The following PNOC variants were observed in gnomAD, a reference collection of about 807,000 sequenced individuals.
PNOC encodes nociceptin.
A neutral mutation model predicts 15.6 loss-of-function variants in PNOC; 10 were observed. That is an observed-to-expected ratio of 0.64 (90% CI 0.40 to 1.09). The LOEUF (loss-of-function observed/expected upper bound fraction) is 1.09. Among genes scored for constraint, PNOC ranks in the 50% least tolerant of loss-of-function variants. PNOC has a pLI of 0.01. For missense variants in PNOC, 220 were observed against 223.9 expected, an observed-to-expected ratio of 0.98 and a Z score of 0.11; for synonymous variants, 98 against 88.5, an observed-to-expected ratio of 1.11 and a Z score of -0.60.
chr8:28,330,235 C>G (rs574873741), intron 2 of PNOC, among the ~76,000 whole-genome samples: 4 of 152,074 alleles, frequency 2.6e-5, no homozygotes, highest in Admixed American at 2.0e-4. Context: ...CATGAGCCAC[C>G]GTGCCCCTCC....
At chr8:28,324,452 T>C (rs1226781821) in intron 1 of PNOC, among the ~76,000 whole-genome samples, 1 of 152,212 alleles carries the variant, frequency 6.6e-6, no homozygotes, top group Admixed American at 6.5e-5. Context: ...CCTTTTCTCC[T>C]CCCTTCCCTT....
Position 28,329,275 on chromosome 8 carries a change from G to A in PNOC, c.118G>A (p.Asp40Asn), listed in dbSNP as rs190892464. ...GCTCCACCCAGCCCTGGACAGCTTC[G>A]ACCTGGAGGTAGGTCTCCAAGGCAA... ...EKLHPALDSF[D>N]LEVCILECEE... The change falls in exon 2 of 4, where the codon GAC (aspartate) becomes AAC (asparagine). Residue 40 changes from aspartate (D) to asparagine (N), a missense_variant. Transcript: ENST00000301908. The A allele has an allele frequency of 2.9e-5, 46 of 1,613,364 alleles. No individual in the cohort carries two copies. The highest frequency in any genetic ancestry group is 6.7e-5 in the East Asian group (3 of 44,886).
intron 2 of PNOC, among the ~76,000 whole-genome samples, chr8:28,332,786 A>G (rs1801348742): frequency 6.6e-6 from 1 of 152,166 alleles, no homozygotes; most frequent in South Asian, 2.1e-4. Flanking sequence ...CCCTGTCTCT[A>G]CTAAAAATAC....
intron 2 of PNOC, among the ~76,000 whole-genome samples, chr8:28,329,989 C>T (rs1801295051): frequency 1.3e-5 from 2 of 152,088 alleles, no homozygotes; most frequent in Admixed American, 1.3e-4. Context: ...CTCTGTCACT[C>T]AGGCTGGAAT....
At position 28,338,392 on chromosome 8, in the gene PNOC, G is replaced by A. The variant is rs116711578; in HGVS notation, c.127-648G>A. On this transcript the variant is annotated intron_variant, in intron 2 of 3. Transcript: ENST00000301908. Reference sequence around the variant, plus strand: ...TCTGCTGGGCTCTGGTCTGATGATGGCATCTCTCCCCACACCTGGAACTGG... The same window carrying A: ...TCTGCTGGGCTCTGGTCTGATGATGACATCTCTCCCCACACCTGGAACTGG... Among the ~76,000 whole-genome samples, 989 of 152,126 alleles carry A rather than the reference G, an allele frequency of 6.5e-3. 14 individuals are homozygous for A. The highest frequency in any genetic ancestry group is 0.022 in the African/African-American group (931 of 41,496).
At chr8:28,322,282 C>G (rs1801163104) in intron 1 of PNOC, among the ~76,000 whole-genome samples, 1 of 151,970 alleles carries the variant, frequency 6.6e-6, no homozygotes, top group South Asian at 2.1e-4. Flanking sequence ...ATCCCAGCTA[C>G]TCAGGAGGCT....
At chr8:28,322,480 A>G (rs1229640578) in intron 1 of PNOC, among the ~76,000 whole-genome samples, 2 of 152,214 alleles carry the variant, frequency 1.3e-5, no homozygotes, top group Non-Finnish European at 2.9e-5. Context: ...CTACATGAAG[A>G]CAGCTGCTGG....
chr8:28,320,119 T>C (rs1801125725), intron 1 of PNOC, among the ~76,000 whole-genome samples: 1 of 124,924 alleles, frequency 8.0e-6, no homozygotes, highest in Non-Finnish European at 1.6e-5. Flanking sequence ...TTTTTTTTTT[T>C]TTCAAAATAC....
intron 2 of PNOC, chr8:28,338,651 A>C: frequency 1.0e-6 from 1 of 1,000,278 alleles, no homozygotes; most frequent in Non-Finnish European, 1.2e-6. Context: ...TGAAGAGAGA[A>C]CAAAATAAAA....
intron 2 of PNOC, among the ~76,000 whole-genome samples, chr8:28,329,857 T>C (rs955355566): frequency 3.3e-5 from 5 of 152,234 alleles, no homozygotes; most frequent in Non-Finnish European, 5.9e-5. Flanking sequence ...AAATAGCATT[T>C]ACATTATATT....
At chr8:28,339,663 T>C (rs1801482265) in intron 3 of PNOC, 172 bp downstream of exon 3, 1 of 472,030 alleles carries the variant, frequency 2.1e-6, no homozygotes, top group Non-Finnish European at 3.6e-6. Context: ...GATTTTCCTA[T>C]GATTGCACCT....
chr8:28,341,470 A>T (rs983365237), intron 3 of PNOC, among the ~76,000 whole-genome samples: 3 of 152,242 alleles, frequency 2.0e-5, no homozygotes, highest in Non-Finnish European at 2.9e-5. Context: ...TCTTAAAGAC[A>T]TTCTTCTTTA....
chr8:28,333,609 C>G (rs1801364209), intron 2 of PNOC, among the ~76,000 whole-genome samples: 2 of 152,198 alleles, frequency 1.3e-5, no homozygotes, highest in South Asian at 4.1e-4. Flanking sequence ...ATTTATCTAA[C>G]AGTGCATCAA....
At chr8:28,320,634 A>G (rs906647631) in intron 1 of PNOC, among the ~76,000 whole-genome samples, 1 of 152,038 alleles carries the variant, frequency 6.6e-6, no homozygotes, top group African/African-American at 2.4e-5. Flanking sequence ...GCAGATCACA[A>G]GGTCAGGAGA....
In PNOC at chr8:28,339,187, A is replaced by T; in HGVS notation, c.274A>T (p.Met92Leu). The T allele has an allele frequency of 6.2e-7, 1 of 1,613,526 alleles. No individual in the cohort carries two copies. Among genetic ancestry groups the T allele is most frequent in the Non-Finnish European group, 8.5e-7 (1 of 1,179,464 alleles). ...TCTCTACCAGCCGAGAGCTTCGGAGATGCAGCATCTGCGGCGAATGCCCCG... is the reference window on the plus strand; with the variant it reads ...TCTCTACCAGCCGAGAGCTTCGGAGTTGCAGCATCTGCGGCGAATGCCCCG... ...AALYQPRASE[M>L]QHLRRMPRVR... Residue 92 changes from methionine (M) to leucine (L), a missense_variant, in exon 3 of 4, where the codon ATG (methionine) becomes TTG (leucine). By Grantham distance (15) the Met-to-Leu change is conservative. Coordinates refer to ENST00000301908, the MANE Select transcript of PNOC (RefSeq NM_006228.5).
chr8:28,322,446 C>T (rs1259735209), intron 1 of PNOC, among the ~76,000 whole-genome samples: 1 of 152,122 alleles, frequency 6.6e-6, no homozygotes, highest in Non-Finnish European at 1.5e-5. Context: ...ACAGGGAGTA[C>T]AGACTTCAGG....
chr8:28,340,645 A>T (rs1303867230), intron 3 of PNOC, among the ~76,000 whole-genome samples: 1 of 152,224 alleles, frequency 6.6e-6, no homozygotes, highest in Non-Finnish European at 1.5e-5. Flanking sequence ...GGTACTTCAT[A>T]AACAAAGTTT....
intron 3 of PNOC, 128 bp downstream of exon 3, chr8:28,339,619 C>T (rs1270649246): frequency 2.8e-6 from 2 of 703,372 alleles, no homozygotes; most frequent in Non-Finnish European, 4.2e-6. Context: ...ACACACCCCG[C>T]AAGGAGTCCA....
intron 2 of PNOC, among the ~76,000 whole-genome samples, chr8:28,331,689 G>A (rs796615367): frequency 5.9e-5 from 9 of 152,206 alleles, no homozygotes; most frequent in Admixed American, 6.5e-5. Context: ...AATCCCAGTC[G>A]CACTTCAAAT....
Sources: allele counts gnomAD v4.1 joint callset (sites outside exome capture counted in the v4.1 genomes callset), GRCh38; gene constraint gnomAD v4.1.1; transcripts MANE v1.5; gene names NCBI Gene and HGNC (gene_info 2026-07-23, HGNC 2026-07-21).